The following RAD51B variants were observed in gnomAD, a reference collection of about 807,000 sequenced individuals.
The protein encoded by RAD51B is RAD51 paralog B.
In RAD51B, 38 loss-of-function variants were observed where a neutral mutation model predicts 42.2. That is an observed-to-expected ratio of 0.90 (90% CI 0.70 to 1.18). The LOEUF (loss-of-function observed/expected upper bound fraction) is 1.18, where lower values mean the gene tolerates loss of function less well. Ranked by LOEUF, RAD51B falls within the 50% of genes most tolerant of loss-of-function variation. The pLI is 0.00. For synonymous variants in RAD51B, 154 were observed against 145.2 expected (o/e 1.06, Z -0.43); for missense variants, 373 against 400.7 (o/e 0.93, Z 0.59).
chr14:67,911,965 C>G (rs964414622), intron 7 of RAD51B, among the ~76,000 whole-genome samples: 2 of 152,174 alleles, frequency 1.3e-5, no homozygotes, highest in Admixed American at 6.5e-5. Flanking sequence ...GAATGTCATC[C>G]CCCTGCTATA....
At chr14:68,290,933 A>T (rs2081504355) in intron 7 of RAD51B, among the ~76,000 whole-genome samples, 1 of 151,980 alleles carries the variant, frequency 6.6e-6, no homozygotes, top group South Asian at 2.1e-4. Context: ...CAGCCTCCTG[A>T]GTAGCTAGGA....
intron 7 of RAD51B, among the ~76,000 whole-genome samples, chr14:68,087,967 T>TATATAATTATATAATA (rs1367576789): frequency 8.8e-6 from 1 of 113,280 alleles, no homozygotes; most frequent in African/African-American, 4.6e-5. Context: ...ATATAATTTA[T>TATATAATTATATAATA]TATTATATAT....
intron 7 of RAD51B, among the ~76,000 whole-genome samples, chr14:68,169,384 G>T (rs894428721): frequency 2.0e-5 from 3 of 151,986 alleles, no homozygotes; most frequent in Non-Finnish European, 4.4e-5. Context: ...TCTACTCTTA[G>T]TCTTCTTATT....
intron 10 of RAD51B, among the ~76,000 whole-genome samples, chr14:68,529,062 C>T (rs1336629156): frequency 1.3e-5 from 2 of 152,212 alleles, no homozygotes; most frequent in East Asian, 3.8e-4. Flanking sequence ...GCTGAAGCCA[C>T]AGGTTGACTG....
intron 7 of RAD51B, among the ~76,000 whole-genome samples, chr14:67,950,374 T>C (rs1299873828): frequency 2.0e-5 from 3 of 152,252 alleles, no homozygotes; most frequent in African/African-American, 7.2e-5. Context: ...CTTCTTTCCT[T>C]ATACCTCATG....
intron 11 of RAD51B, among the ~76,000 whole-genome samples, chr14:68,671,340 T>G (rs964508092): frequency 4.6e-5 from 7 of 152,178 alleles, no homozygotes; most frequent in African/African-American, 1.7e-4. Flanking sequence ...AAAAAGAAGC[T>G]TTCAAAGCCC....
At chr14:68,572,808 C>T (rs1398493943) in intron 10 of RAD51B, among the ~76,000 whole-genome samples, 1 of 152,208 alleles carries the variant, frequency 6.6e-6, no homozygotes, top group African/African-American at 2.4e-5. Context: ...ATATCAATAG[C>T]ATCACAGCAT....
chr14:68,680,415 T>C (rs56793057), intron 11 of RAD51B, among the ~76,000 whole-genome samples: 5,769 of 152,298 alleles, frequency 0.038, 365 homozygotes, highest in African/African-American at 0.13. Context: ...TTAAAAAAAT[T>C]AGGATCTGAT....
intron 8 of RAD51B, among the ~76,000 whole-genome samples, chr14:68,311,454 T>C (rs2081965518): frequency 6.6e-6 from 1 of 152,226 alleles, no homozygotes; most frequent in African/African-American, 2.4e-5. Flanking sequence ...GGGTATCCTG[T>C]TCCTATTGCA....
chr14:67,926,028 C>T (rs918824398), intron 7 of RAD51B, among the ~76,000 whole-genome samples: 10 of 152,158 alleles, frequency 6.6e-5, no homozygotes, highest in African/African-American at 9.6e-5. Flanking sequence ...TCCTGGCCTG[C>T]GGTAGGAGGG....
chr14:67,836,075 T>C (rs1400100710), intron 4 of RAD51B, among the ~76,000 whole-genome samples: 1 of 152,256 alleles, frequency 6.6e-6, no homozygotes, highest in Non-Finnish European at 1.5e-5. Context: ...TACTGTTGGA[T>C]AACAAATTAT....
At chr14:68,199,399 G>T (rs2079438286) in intron 7 of RAD51B, among the ~76,000 whole-genome samples, 1 of 152,282 alleles carries the variant, frequency 6.6e-6, no homozygotes, top group South Asian at 2.1e-4. Flanking sequence ...TATTCAGACT[G>T]CTCATTCTTT....
intron 7 of RAD51B, among the ~76,000 whole-genome samples, chr14:67,992,354 A>C (rs2075309444): frequency 6.6e-6 from 1 of 152,196 alleles, no homozygotes; most frequent in African/African-American, 2.4e-5. Flanking sequence ...TTTTGACTCC[A>C]TATAAAGAAT....
intron 10 of RAD51B, among the ~76,000 whole-genome samples, chr14:68,559,682 C>G (rs184355444): frequency 2.0e-5 from 3 of 152,196 alleles, no homozygotes; most frequent in African/African-American, 7.2e-5. Context: ...CCCCCAGGAG[C>G]AATTCTGAGT....
chr14:68,637,382 G>C (rs374162784), intron 10 of RAD51B, among the ~76,000 whole-genome samples: 1 of 152,128 alleles, frequency 6.6e-6, no homozygotes, highest in Non-Finnish European at 1.5e-5. Flanking sequence ...CTCGGACTTC[G>C]TAAACATTTG....
chr14:68,115,217 A>G (rs958936595), intron 7 of RAD51B, among the ~76,000 whole-genome samples: 10 of 137,002 alleles, frequency 7.3e-5, no homozygotes, highest in Admixed American at 5.7e-4. Flanking sequence ...ATGCAGCCAT[A>G]AAAAATGATG....
At chr14:68,145,178 T>A (rs1262515764) in intron 7 of RAD51B, among the ~76,000 whole-genome samples, 3 of 152,192 alleles carry the variant, frequency 2.0e-5, no homozygotes, top group Admixed American at 2.0e-4. Context: ...GTCACACACA[T>A]GCCACAGCCA....
chr14:68,312,404 A>T (rs982962985), intron 8 of RAD51B, among the ~76,000 whole-genome samples: 3 of 152,278 alleles, frequency 2.0e-5, no homozygotes, highest in African/African-American at 7.2e-5. Context: ...CTATTGGTTT[A>T]CTCATCCAGT....
In RAD51B at chr14:67,993,354, C is replaced by T. The variant is rs140810379; in HGVS notation, c.756+106150C>T. On this transcript the variant is annotated intron_variant, in intron 7 of 10. Transcript: ENST00000471583. ...CCTCCCTCCATCCCGCTACACTCCC[C>T]AGCCTCTGGTCACCATCATTCTACT... Among the ~76,000 whole-genome samples, 4 of 152,260 alleles carry T rather than the reference C, an allele frequency of 2.6e-5. No homozygotes were observed. The East Asian group carries it at 5.8e-4, about 22-fold the overall frequency.
Sources: allele counts gnomAD v4.1 joint callset (sites outside exome capture counted in the v4.1 genomes callset), GRCh38; gene constraint gnomAD v4.1.1; transcripts MANE v1.5; gene names NCBI Gene and HGNC (gene_info 2026-07-23, HGNC 2026-07-21).